CSMD3: variants seen among roughly 807,000 people sequenced by gnomAD.
The protein encoded by CSMD3 is CUB and Sushi multiple domains 3, also known as CUB and sushi domain-containing protein 3.
CSMD3 carries 177 observed loss-of-function variants against 435.2 expected under a neutral mutation model. The ratio of observed to expected loss-of-function variants is 0.41; its 90% CI spans 0.36 to 0.46. CSMD3 has a LOEUF of 0.46. CSMD3 is among the 20% of genes least tolerant of loss of function. CSMD3 has a pLI of 0.34. For synonymous variants in CSMD3, 1,656 were observed against 1,520.5 expected (o/e 1.09, Z -2.07); for missense variants, 4,265 against 4,504.6 (o/e 0.95, Z 1.52).
chr8:112,388,482 G>A (rs555546625), intron 36 of CSMD3, among the ~76,000 whole-genome samples: 5 of 152,238 alleles, frequency 3.3e-5, no homozygotes, highest in East Asian at 3.9e-4. Context: ...TCATTGTACC[G>A]AGTAAGAGTC....
chr8:113,391,899 A>G (rs2094462673), intron 1 of CSMD3, among the ~76,000 whole-genome samples: 1 of 152,072 alleles, frequency 6.6e-6, no homozygotes, highest in Admixed American at 6.6e-5. Flanking sequence ...ATTAGCAGCA[A>G]TATAGATGCA....
At chr8:113,339,774 C>T (rs574997526) in intron 1 of CSMD3, among the ~76,000 whole-genome samples, 4 of 151,954 alleles carry the variant, frequency 2.6e-5, no homozygotes, top group Non-Finnish European at 2.9e-5. Context: ...TTTTGCTGTA[C>T]ATATTTGGAC....
chr8:112,478,294 T>C (rs906387660), intron 31 of CSMD3, among the ~76,000 whole-genome samples: 14 of 152,128 alleles, frequency 9.2e-5, no homozygotes, highest in African/African-American at 2.9e-4. Flanking sequence ...AAATGGGTAA[T>C]GGGCAAAGGT....
intron 13 of CSMD3, among the ~76,000 whole-genome samples, chr8:112,745,478 A>G (rs987108601): frequency 1.9e-4 from 29 of 152,094 alleles, no homozygotes; most frequent in African/African-American, 6.5e-4. Context: ...TGTACAATTT[A>G]CTTATAATTG....
intron 4 of CSMD3, among the ~76,000 whole-genome samples, chr8:113,103,932 T>G (rs2090401627): frequency 6.6e-6 from 1 of 152,118 alleles, no homozygotes; most frequent in African/African-American, 2.4e-5. Context: ...ATTTAGATAT[T>G]GTAAATGTAT....
At chr8:113,354,100 C>T (rs2094206588) in intron 1 of CSMD3, among the ~76,000 whole-genome samples, 1 of 151,970 alleles carries the variant, frequency 6.6e-6, no homozygotes, top group Non-Finnish European at 1.5e-5. Flanking sequence ...AATGAATGAC[C>T]GACCATTGCA....
chr8:112,304,384 T>G (rs1821218934), intron 52 of CSMD3, among the ~76,000 whole-genome samples: 1 of 151,930 alleles, frequency 6.6e-6, no homozygotes, highest in Non-Finnish European at 1.5e-5. Flanking sequence ...AAGGTTTTTT[T>G]TTTTTTTTAA....
rs186453378 is a variant in CSMD3 at position 113,317,884 on chromosome 8, G to A, written c.179-3091C>T. Among the ~76,000 whole-genome samples, 781 of 152,098 alleles carry A rather than the reference G, an allele frequency of 5.1e-3. 11 individuals are homozygous for A. The highest frequency in any genetic ancestry group is 0.018 in the African/African-American group (754 of 41,486). On this transcript the variant is annotated intron_variant, in intron 1 of 70. Coordinates refer to ENST00000297405, the MANE Select transcript of CSMD3 (RefSeq NM_198123.2). ...AAAAAAATCACTGGCATTCTTCTGG[G>A]TACAGATGTAGACTTCTACTACATT...
chr8:112,982,064 G>A lies in CSMD3; in HGVS notation c.1031-5916C>T, dbSNP rs138129644. 3.1e-4 allele frequency among the ~76,000 whole-genome samples: 47 copies of A among 151,884 alleles called. No individual in the cohort carries two copies. The East Asian group carries it at 8.1e-3, about 26-fold the overall frequency. ...AATAGTATCTCTCTCTCAAAAGATC[G>A]TTTCTTGCTTCACCCAGTTGATTAA... On this transcript the variant is annotated intron_variant, in intron 6 of 70. Coordinates refer to ENST00000297405, the MANE Select transcript of CSMD3 (RefSeq NM_198123.2).
chr8:112,232,490 T>C (rs978442809), intron 68 of CSMD3, among the ~76,000 whole-genome samples: 7 of 152,068 alleles, frequency 4.6e-5, no homozygotes, highest in Non-Finnish European at 8.8e-5. Flanking sequence ...GTAGCTGTAA[T>C]CCCAGCTATT....
intron 12 of CSMD3, among the ~76,000 whole-genome samples, chr8:112,803,199 T>G (rs1047021761): frequency 1.3e-5 from 2 of 152,276 alleles, no homozygotes; most frequent in African/African-American, 4.8e-5. Context: ...TTTCATTGAT[T>G]CTTCTTCCTT....
At chr8:112,604,021 A>T (rs536540107) in intron 22 of CSMD3, among the ~76,000 whole-genome samples, 5 of 152,128 alleles carry the variant, frequency 3.3e-5, no homozygotes, top group East Asian at 3.9e-4. Flanking sequence ...AATAATATTA[A>T]TTTTTTTTCA....
chr8:113,074,532 T>G (rs1022101564), intron 5 of CSMD3, among the ~76,000 whole-genome samples: 9 of 151,906 alleles, frequency 5.9e-5, no homozygotes, highest in South Asian at 2.1e-4. Flanking sequence ...GTAAATTTTT[T>G]GCATACTCCA....
chr8:112,930,602 T>A (rs1486926420), intron 9 of CSMD3, among the ~76,000 whole-genome samples: 2 of 152,012 alleles, frequency 1.3e-5, no homozygotes, highest in East Asian at 3.8e-4. Flanking sequence ...TATAAATTAT[T>A]AAAAGAATAT....
chr8:112,803,607 G>GA (rs139420637), intron 12 of CSMD3, among the ~76,000 whole-genome samples: 213 of 151,510 alleles, frequency 1.4e-3, no homozygotes, highest in African/African-American at 4.9e-3. Context: ...TTGCTATTTG[G>GA]AAAAAAAATA....
intron 6 of CSMD3, among the ~76,000 whole-genome samples, chr8:112,977,333 A>C (rs895421041): frequency 6.6e-6 from 1 of 152,082 alleles, no homozygotes; most frequent in Non-Finnish European, 1.5e-5. Flanking sequence ...GTTTTTATAC[A>C]CTTTTCTTCG....
chr8:112,546,825 ACT>A (rs1827224067), intron 27 of CSMD3, among the ~76,000 whole-genome samples: 1 of 152,090 alleles, frequency 6.6e-6, no homozygotes. Flanking sequence ...AAAGCAACAG[ACT>A]CTACAAAGGA....
chr8:112,490,149 AC>A (rs1163051600), intron 31 of CSMD3, among the ~76,000 whole-genome samples: 9 of 152,270 alleles, frequency 5.9e-5, no homozygotes, highest in African/African-American at 1.9e-4. Context: ...TTTGTCAGAA[AC>A]TTTACTAGAT....
At chr8:112,380,727 C>T (rs1426989502) in intron 37 of CSMD3, among the ~76,000 whole-genome samples, 4 of 152,158 alleles carry the variant, frequency 2.6e-5, no homozygotes, top group Middle Eastern at 6.8e-3. Flanking sequence ...TAAAGCTATA[C>T]GTTTGACATG....
Sources: gnomAD v4.1 joint callset for allele counts (sites outside exome capture counted in the v4.1 genomes callset) on GRCh38, gnomAD v4.1.1 for gene constraint, MANE v1.5 for transcripts, NCBI Gene and HGNC (gene_info 2026-07-23, HGNC 2026-07-21) for gene names.